PLEKHA7: variants seen among roughly 807,000 people sequenced by gnomAD.
The protein encoded by PLEKHA7 is pleckstrin homology domain-containing family A member 7.
In PLEKHA7, 104 loss-of-function variants were observed where a neutral mutation model predicts 170.0. The observed-to-expected ratio is 0.61, with a 90% CI of 0.52 to 0.72. The LOEUF is 0.72. PLEKHA7 is among the 30% of genes least tolerant of loss of function. The pLI, the probability that PLEKHA7 is intolerant of heterozygous loss-of-function variation, is 0.00. For missense variants in PLEKHA7, 1,615 were observed against 1,671.7 expected, an observed-to-expected ratio of 0.97 and a Z score of 0.59; for synonymous variants, 648 against 660.8, an observed-to-expected ratio of 0.98 and a Z score of 0.30.
intron 3 of PLEKHA7, among the ~76,000 whole-genome samples, chr11:16,954,492 C>T (rs960279529): frequency 6.6e-6 from 1 of 151,416 alleles, no homozygotes; most frequent in Non-Finnish European, 1.5e-5. Flanking sequence ...TATGATCACA[C>T]CAACACACTC....
At chr11:16,987,071 G>A (rs1241780809) in intron 3 of PLEKHA7, among the ~76,000 whole-genome samples, 5 of 152,184 alleles carry the variant, frequency 3.3e-5, no homozygotes, top group Non-Finnish European at 7.3e-5. Flanking sequence ...CCCCAAATGG[G>A]AAATTTGCAG....
At chr11:16,825,275 A>T (rs1244502226) in intron 10 of PLEKHA7, among the ~76,000 whole-genome samples, 2 of 152,234 alleles carry the variant, frequency 1.3e-5, no homozygotes, top group Non-Finnish European at 1.5e-5. Context: ...GGCCTGGCCA[A>T]CAGGGAGAAT....
intron 4 of PLEKHA7, among the ~76,000 whole-genome samples, chr11:16,858,910 G>C (rs1250246528): frequency 1.3e-5 from 2 of 152,238 alleles, no homozygotes; most frequent in Admixed American, 1.3e-4. Flanking sequence ...CCCCATACTA[G>C]CTTCTGGGAT....
chr11:16,861,238 T>A (rs117327519), intron 4 of PLEKHA7, among the ~76,000 whole-genome samples: 508 of 152,064 alleles, frequency 3.3e-3, no homozygotes, highest in Admixed American at 7.5e-3. Flanking sequence ...TCAAGAATCA[T>A]CAAGGGCTAG....
chr11:16,876,794 C>T (rs1246678746), intron 3 of PLEKHA7, among the ~76,000 whole-genome samples: 5 of 152,138 alleles, frequency 3.3e-5, no homozygotes, highest in Non-Finnish European at 7.4e-5. Flanking sequence ...ATTTTCTATT[C>T]GTATGTATTT....
chr11:16,827,151 C>A (rs1368816017), intron 9 of PLEKHA7, among the ~76,000 whole-genome samples: 1 of 152,222 alleles, frequency 6.6e-6, no homozygotes, highest in Non-Finnish European at 1.5e-5. Flanking sequence ...ATCCCTCCCA[C>A]TGGTGTCTAA....
chr11:16,973,857 C>T (rs1432684245), intron 3 of PLEKHA7, among the ~76,000 whole-genome samples: 1 of 152,206 alleles, frequency 6.6e-6, no homozygotes, highest in African/African-American at 2.4e-5. Context: ...TGACTATCCA[C>T]TCCTGCCACA....
chr11:16,940,473 A>T (rs1471549152), intron 3 of PLEKHA7, among the ~76,000 whole-genome samples: 10 of 151,762 alleles, frequency 6.6e-5, no homozygotes, highest in Admixed American at 6.6e-4. Context: ...TATTTTTAGT[A>T]CAGACGGGGT....
At chr11:16,798,641 A>C (rs1373643453) in intron 17 of PLEKHA7, among the ~76,000 whole-genome samples, 1 of 152,230 alleles carries the variant, frequency 6.6e-6, no homozygotes, top group Non-Finnish European at 1.5e-5. Flanking sequence ...TAAAAAGATC[A>C]ATTACAAGTG....
chr11:16,789,911 GTGCTGGGGTGGATGGGTCCC>G lies in PLEKHA7; in HGVS notation c.3053-53_3053-34del. The G allele has an allele frequency of 6.3e-7, 1 of 1,581,788 alleles. No individual in the cohort carries two copies. The highest frequency in any genetic ancestry group is 8.7e-7 in the Non-Finnish European group (1 of 1,150,902). On this transcript the variant is annotated intron_variant, in intron 21 of 26. Transcript: ENST00000531066. The surrounding 1 kb of genome is among the most constrained non-coding windows in gnomAD (Gnocchi z 4.6). ...AGGAAAGAGAAGTGCAAGCATGTTT[GTGCTGGGGTGGATGGGTCCC>G]TGCTTCTCCCTCATCACACATTCTT...
At chr11:16,999,945 C>A (rs1321665244) in intron 3 of PLEKHA7, among the ~76,000 whole-genome samples, 3 of 152,170 alleles carry the variant, frequency 2.0e-5, no homozygotes, top group Non-Finnish European at 4.4e-5. Context: ...AATACAGACA[C>A]CAGGGTTACT....
intron 3 of PLEKHA7, among the ~76,000 whole-genome samples, chr11:17,001,812 G>A (rs1434864725): frequency 6.6e-6 from 1 of 151,982 alleles, no homozygotes; most frequent in Non-Finnish European, 1.5e-5. Flanking sequence ...CAAGCTACAA[G>A]AGGTAGCCAG....
At chr11:16,830,246 A>G (rs967029618) in intron 9 of PLEKHA7, among the ~76,000 whole-genome samples, 1 of 152,096 alleles carries the variant, frequency 6.6e-6, no homozygotes, top group Non-Finnish European at 1.5e-5. Flanking sequence ...AGCTTCCAGA[A>G]GTGCTGGGAT....
At position 16,826,111 on chromosome 11, in the gene PLEKHA7, A is replaced by C; in HGVS notation, c.1343+9T>G. 4 of 1,610,716 alleles carry C rather than the reference A, an allele frequency of 2.5e-6. No homozygotes were observed. The highest frequency in any genetic ancestry group is 3.4e-6 in the Non-Finnish European group (4 of 1,177,460). On this transcript the variant is annotated intron_variant, in intron 10 of 26. Transcript: ENST00000531066. ...CGTTATAAGCAGCGATCCTGAGTCT[A>C]TTACTCACCTCCTGCTATCCCCTTT...
chr11:16,970,438 T>C (rs1031207342), intron 3 of PLEKHA7, among the ~76,000 whole-genome samples: 3 of 151,998 alleles, frequency 2.0e-5, no homozygotes, highest in African/African-American at 7.3e-5. Flanking sequence ...GCAGGGAGAA[T>C]TGCTTCAGTC....
At chr11:16,880,079 T>G (rs1328622294) in intron 3 of PLEKHA7, among the ~76,000 whole-genome samples, 1 of 152,200 alleles carries the variant, frequency 6.6e-6, no homozygotes, top group South Asian at 2.1e-4. Context: ...TAATTTTCTT[T>G]TTTAAGGAAG....
intron 4 of PLEKHA7, among the ~76,000 whole-genome samples, chr11:16,863,457 T>C (rs762876931): frequency 5.3e-5 from 8 of 152,114 alleles, no homozygotes; most frequent in Non-Finnish European, 7.4e-5. Flanking sequence ...TCCAAAGTGA[T>C]CTTGCATGCC....
chr11:16,842,956 C>A (rs544256161), intron 8 of PLEKHA7, among the ~76,000 whole-genome samples: 30 of 152,054 alleles, frequency 2.0e-4, no homozygotes, highest in Admixed American at 3.9e-4. Context: ...GTAACAGATT[C>A]TTCACAGCAC....
chr11:16,934,192 C>T (rs1454788270), intron 3 of PLEKHA7, among the ~76,000 whole-genome samples: 1 of 152,150 alleles, frequency 6.6e-6, no homozygotes, highest in Non-Finnish European at 1.5e-5. Context: ...TCACTGCAGC[C>T]CATCAGGGTA....
Sources: allele counts gnomAD v4.1 joint callset (sites outside exome capture counted in the v4.1 genomes callset), GRCh38; gene constraint gnomAD v4.1.1; non-coding constraint Gnocchi (gnomAD v3.1); transcripts MANE v1.5; gene names NCBI Gene and HGNC (gene_info 2026-07-23, HGNC 2026-07-21).